NELL1: variants seen among roughly 807,000 people sequenced by gnomAD.
NELL1 encodes neural EGFL like 1, also known as protein kinase C-binding protein NELL1.
In NELL1, 76 loss-of-function variants were observed where a neutral mutation model predicts 107.4. That is an observed-to-expected ratio of 0.71 (90% CI 0.59 to 0.86). The LOEUF is 0.86. NELL1 is among the 40% of genes least tolerant of loss of function. The pLI is 0.00. For missense variants in NELL1, 1,024 were observed against 1,005.5 expected, an observed-to-expected ratio of 1.02 and a Z score of -0.25; for synonymous variants, 353 against 341.2, an observed-to-expected ratio of 1.03 and a Z score of -0.38.
chr11:20,790,912 C>T (rs995947340), intron 3 of NELL1, among the ~76,000 whole-genome samples: 3 of 152,150 alleles, frequency 2.0e-5, no homozygotes, highest in African/African-American at 7.2e-5. Flanking sequence ...GACAGCCTGC[C>T]GCTACTATCA....
At chr11:20,768,757 C>T (rs558383686) in intron 2 of NELL1, among the ~76,000 whole-genome samples, 69 of 152,202 alleles carry the variant, frequency 4.5e-4, no homozygotes, top group Non-Finnish European at 6.9e-4. Context: ...GAAGAAGACA[C>T]GACCCAAGGG....
At chr11:20,939,527 G>T (rs1850804147) in intron 10 of NELL1, among the ~76,000 whole-genome samples, 1 of 152,254 alleles carries the variant, frequency 6.6e-6, no homozygotes, top group Admixed American at 6.5e-5. Flanking sequence ...AAAGTTTGGA[G>T]AAAGGACATA....
intron 15 of NELL1, among the ~76,000 whole-genome samples, chr11:21,525,342 T>C (rs1855823655): frequency 6.6e-6 from 1 of 152,200 alleles, no homozygotes; most frequent in African/African-American, 2.4e-5. Flanking sequence ...ACAGCAATAA[T>C]GACATCACCA....
At chr11:21,516,774 CTTCTT>C (rs1855576286) in intron 15 of NELL1, among the ~76,000 whole-genome samples, 1 of 151,650 alleles carries the variant, frequency 6.6e-6, no homozygotes, top group South Asian at 2.1e-4. Flanking sequence ...CACACACACT[CTTCTT>C]TTAAATATAT....
chr11:21,370,430 C>A (rs553989141), intron 14 of NELL1, among the ~76,000 whole-genome samples: 4 of 151,878 alleles, frequency 2.6e-5, no homozygotes, highest in African/African-American at 9.7e-5. Flanking sequence ...TTTTAAAGAA[C>A]ATAAAAGTTT....
At chr11:21,240,768 G>T (rs888065544) in intron 14 of NELL1, among the ~76,000 whole-genome samples, 1 of 103,510 alleles carries the variant, frequency 9.7e-6, no homozygotes, top group African/African-American at 2.9e-5. Context: ...CTTTCTAGTG[G>T]GGGGGGGGAG....
intron 15 of NELL1, among the ~76,000 whole-genome samples, chr11:21,460,888 A>G (rs919675475): frequency 4.2e-4 from 64 of 152,238 alleles, no homozygotes; most frequent in African/African-American, 1.5e-3. Context: ...TGGGGAAAGG[A>G]AACACCCCTA....
intron 14 of NELL1, among the ~76,000 whole-genome samples, chr11:21,239,008 T>G (rs1262535575): frequency 1.3e-5 from 2 of 152,112 alleles, no homozygotes; most frequent in Non-Finnish European, 2.9e-5. Context: ...TTACTTCACG[T>G]GACTGTAAAA....
chr11:21,232,313 G>C (rs1184716665), intron 14 of NELL1, among the ~76,000 whole-genome samples: 1 of 141,032 alleles, frequency 7.1e-6, no homozygotes, highest in Admixed American at 7.2e-5. Flanking sequence ...CTGGGGGACA[G>C]AGCAACACTC....
At chr11:21,247,884 T>C (rs1858534646) in intron 14 of NELL1, among the ~76,000 whole-genome samples, 1 of 152,210 alleles carries the variant, frequency 6.6e-6, no homozygotes. Context: ...ATTTTTCAGC[T>C]CCATTATAAT....
intron 12 of NELL1, among the ~76,000 whole-genome samples, chr11:21,074,569 C>T (rs1276270434): frequency 2.0e-5 from 3 of 152,078 alleles, no homozygotes; most frequent in Non-Finnish European, 4.4e-5. Flanking sequence ...TGATTCATAA[C>T]TCTAACTGCT....
intron 14 of NELL1, among the ~76,000 whole-genome samples, chr11:21,248,176 C>G (rs911145306): frequency 7.9e-5 from 12 of 152,130 alleles, no homozygotes; most frequent in African/African-American, 2.9e-4. Context: ...AAAACTCCAT[C>G]TCTACCAAAA....
intron 5 of NELL1, among the ~76,000 whole-genome samples, chr11:20,909,641 G>C (rs2134145454): frequency 6.6e-6 from 1 of 152,052 alleles, no homozygotes; most frequent in East Asian, 1.9e-4. Flanking sequence ...ACTCTCTATT[G>C]CATGTCAAAC....
intron 2 of NELL1, among the ~76,000 whole-genome samples, chr11:20,755,564 T>TTTTTTTTTATTTTA (rs1564895098): frequency 3.3e-5 from 3 of 91,934 alleles, no homozygotes; most frequent in African/African-American, 1.5e-4. Context: ...TTGTTTTTGT[T>TTTTTTTTTATTTTA]TTTTTTTTTT....
At chr11:21,516,645 CAT>C (rs1357358256) in intron 15 of NELL1, among the ~76,000 whole-genome samples, 1 of 151,630 alleles carries the variant, frequency 6.6e-6, no homozygotes, top group Admixed American at 6.6e-5. Flanking sequence ...TATATCTAAA[CAT>C]ATCTAAAGAT....
At chr11:21,151,474 G>A (rs942534847) in intron 13 of NELL1, among the ~76,000 whole-genome samples, 9 of 152,214 alleles carry the variant, frequency 5.9e-5, no homozygotes, top group Middle Eastern at 3.4e-3. Context: ...TTGATGGTGC[G>A]CGTGGTGACG....
intron 14 of NELL1, among the ~76,000 whole-genome samples, chr11:21,267,729 T>C (rs1392086102): frequency 2.0e-5 from 3 of 152,146 alleles, no homozygotes; most frequent in Non-Finnish European, 4.4e-5. Context: ...TGTCCATATG[T>C]TGATGACTCT....
chr11:21,510,043 A>G (rs1465995071), intron 15 of NELL1, among the ~76,000 whole-genome samples: 1 of 152,190 alleles, frequency 6.6e-6, no homozygotes, highest in African/African-American at 2.4e-5. Context: ...AAGCTCACTG[A>G]AATACCTGGG....
At position 20,898,615 on chromosome 11, in the gene NELL1, AT is replaced by A. The variant is rs202236449; in HGVS notation, c.603+13089del. Among the ~76,000 whole-genome samples the A allele has an allele frequency of 5.8e-3, 822 of 142,840 alleles. 2 individuals are homozygous for A. The highest frequency in any genetic ancestry group is 0.012 in the East Asian group (61 of 4,888). 93.7% of individuals were successfully genotyped at this position (142,840 alleles called of 152,430 possible). On this transcript the variant is annotated intron_variant, in intron 5 of 19. Coordinates refer to ENST00000357134, the MANE Select transcript of NELL1 (RefSeq NM_006157.5). ...TTTCACCACATCCACGTCAACATCT[AT>A]TTTTTTTTTTTTTAAATTATGACCA...
Sources: allele counts gnomAD v4.1 joint callset (sites outside exome capture counted in the v4.1 genomes callset), GRCh38; gene constraint gnomAD v4.1.1; transcripts MANE v1.5; gene names NCBI Gene and HGNC (gene_info 2026-07-23, HGNC 2026-07-21).